TMEM40: variants seen among roughly 807,000 people sequenced by gnomAD.
TMEM40 encodes transmembrane protein 40.
In TMEM40, 34 loss-of-function variants were observed where a neutral mutation model predicts 40.8. That is an observed-to-expected ratio of 0.83 (90% CI 0.63 to 1.11). The LOEUF (loss-of-function observed/expected upper bound fraction) is 1.11. TMEM40 is among the 50% of genes least tolerant of loss of function. TMEM40 has a pLI of 0.00. For synonymous variants in TMEM40, 106 were observed against 107.0 expected (o/e 0.99, Z 0.06); for missense variants, 296 against 280.2 (o/e 1.06, Z -0.40).
At chr3:12,756,858 ACT>A (rs942153306) in intron 1 of TMEM40, among the ~76,000 whole-genome samples, 10 of 150,896 alleles carry the variant, frequency 6.6e-5, no homozygotes, top group African/African-American at 1.5e-4. Flanking sequence ...ACATATACAC[ACT>A]CTCTCTCTCA....
In TMEM40 at chr3:12,748,833, C is replaced by G. The variant is rs185940373; in HGVS notation, c.74-41G>C. 9,544 of 1,587,752 alleles carry G rather than the reference C, an allele frequency of 6.0e-3. 33 individuals carry two copies. Among genetic ancestry groups the G allele is most frequent in the Non-Finnish European group, 7.5e-3 (8,662 of 1,159,598 alleles). ...AGGCCAGGGGATGAGCGTTTCCCAC[C>G]CTTCCCACCCCAGGGACCACCCAGT... On this transcript the variant is annotated intron_variant, in intron 2 of 11. Transcript: ENST00000314124.
intron 1 of TMEM40, among the ~76,000 whole-genome samples, chr3:12,766,020 G>A (rs2061592483): frequency 6.6e-6 from 1 of 151,894 alleles, no homozygotes; most frequent in Admixed American, 6.6e-5. Context: ...CCTGCGCCCG[G>A]CTAATTTTTT....
intron 1 of TMEM40, among the ~76,000 whole-genome samples, chr3:12,768,748 G>A (rs562354235): frequency 2.6e-5 from 4 of 152,176 alleles, no homozygotes; most frequent in African/African-American, 4.8e-5. Flanking sequence ...ATCCCGCACC[G>A]GGGGCCGCAG....
At chr3:12,736,455 A>AT in intron 10 of TMEM40, 123 bp downstream of exon 10, 1 of 1,306,146 alleles carries the variant, frequency 7.7e-7, no homozygotes, top group Non-Finnish European at 1.1e-6. Context: ...TGGCCAGAAA[A>AT]TTTTTTTAAA....
At chr3:12,761,664 G>T (rs562457419), upstream of TMEM40, among the ~76,000 whole-genome samples, 1 of 151,962 alleles carries the variant, frequency 6.6e-6, no homozygotes, top group Non-Finnish European at 1.5e-5. Flanking sequence ...ATTGTGGACT[G>T]GTGGAGAAGC....
At chr3:12,739,592 T>A (rs1017026734) in intron 5 of TMEM40, among the ~76,000 whole-genome samples, 1 of 138,380 alleles carries the variant, frequency 7.2e-6, no homozygotes, top group African/African-American at 3.1e-5. Context: ...CTGCCAGTGA[T>A]TTTTTTTTAA....
chr3:12,744,279 T>C (rs2061409121), intron 3 of TMEM40, among the ~76,000 whole-genome samples: 1 of 152,186 alleles, frequency 6.6e-6, no homozygotes, highest in African/African-American at 2.4e-5. Context: ...TGAGGCATCA[T>C]AGTACTGAGA....
chr3:12,765,496 G>A (rs563974742), intron 1 of TMEM40, among the ~76,000 whole-genome samples: 5 of 151,710 alleles, frequency 3.3e-5, no homozygotes, highest in South Asian at 2.1e-4. Flanking sequence ...CTGGAGATCC[G>A]TTTGAAGAGA....
At chr3:12,755,233 C>CTCTCTGTCTT (rs1553634013) in intron 1 of TMEM40, among the ~76,000 whole-genome samples, 1 of 59,886 alleles carries the variant, frequency 1.7e-5, no homozygotes, top group African/African-American at 7.2e-5. Context: ...CTCTCTCTCT[C>CTCTCTGTCTT]TCTTTCTTTC....
intron 1 of TMEM40, among the ~76,000 whole-genome samples, chr3:12,767,045 C>T (rs1057375312): frequency 2.6e-5 from 4 of 151,978 alleles, no homozygotes; most frequent in African/African-American, 9.7e-5. Flanking sequence ...CCAAAAAGGA[C>T]CCTATGTCCA....
intron 5 of TMEM40, among the ~76,000 whole-genome samples, chr3:12,741,963 G>A (rs964144762): frequency 3.1e-4 from 47 of 152,232 alleles, no homozygotes; most frequent in Non-Finnish European, 5.6e-4. Flanking sequence ...CGGGCGCGGT[G>A]GCTCACGCCT....
At position 12,748,713 on chromosome 3, in the gene TMEM40, A is replaced by G; in HGVS notation, c.153T>C (p.Ser51=). ...ATGAGGAGGAAGAGGAGGAGGAGGA[A>G]GAAGACTTGTTTCTCTCATATTGTT... is the stretch of plus-strand genomic sequence containing the variant. ...SQEQYERNKS[S]SSSSSSSSSS... Residue 51 remains serine (S), a synonymous_variant, in exon 3 of 12, where the codon TCT becomes TCC. Coordinates refer to ENST00000314124, the MANE Select transcript of TMEM40 (RefSeq NM_018306.4). 1 of 1,614,052 alleles carries G rather than the reference A, an allele frequency of 6.2e-7. No individual in the cohort carries two copies. The highest frequency in any genetic ancestry group is 8.5e-7 in the Non-Finnish European group (1 of 1,179,958).
chr3:12,751,013 G>A (rs548239852), intron 1 of TMEM40, among the ~76,000 whole-genome samples: 16 of 152,170 alleles, frequency 1.1e-4, no homozygotes, highest in African/African-American at 3.9e-4. Flanking sequence ...AGATTGCCTG[G>A]GTTGGAATCC....
Position 12,738,537 on chromosome 3 carries a change from C to A in TMEM40, c.391+16G>T. ...TACCAGCACCAACGACCTCTCTCCT[C>A]TAACTGGACACTCACCTGATTCCCC... On this transcript the variant is annotated intron_variant, in intron 6 of 11. Transcript: ENST00000314124. 6.2e-7 allele frequency: 1 copy of A among 1,614,034 alleles called. No individual in the cohort carries two copies. The highest frequency in any genetic ancestry group is 8.5e-7 in the Non-Finnish European group (1 of 1,179,964).
At chr3:12,739,831 T>G (rs1007473544) in intron 5 of TMEM40, among the ~76,000 whole-genome samples, 1 of 151,520 alleles carries the variant, frequency 6.6e-6, no homozygotes, top group Non-Finnish European at 1.5e-5. Flanking sequence ...TTTTTAAAAT[T>G]TATTTATTTA....
At chr3:12,755,233 C>CTTTCTT (rs56969040) in intron 1 of TMEM40, among the ~76,000 whole-genome samples, 754 of 59,944 alleles carry the variant, frequency 0.013, 9 homozygotes, top group South Asian at 0.019. Context: ...CTCTCTCTCT[C>CTTTCTT]TCTTTCTTTC....
intron 1 of TMEM40, 37 bp downstream of exon 1, chr3:12,759,154 T>G (rs189590930): frequency 6.6e-6 from 1 of 152,652 alleles, no homozygotes; most frequent in Admixed American, 6.5e-5. Flanking sequence ...AAGCTGACAC[T>G]CCACCCCACT....
intron 5 of TMEM40, chr3:12,738,813 T>C (rs1575731110): frequency 5.8e-6 from 3 of 516,376 alleles, no homozygotes; most frequent in African/African-American, 5.7e-5. Context: ...CTTACAGGTC[T>C]GTCAATTTCC....
In TMEM40 at chr3:12,748,705, G is replaced by A. The variant is rs773305871; in HGVS notation, c.161C>T (p.Ser54Phe). 1.9e-6 allele frequency: 3 copies of A among 1,613,986 alleles called. No homozygotes were observed. Among genetic ancestry groups the A allele is most frequent in the African/African-American group, 1.3e-5 (1 of 75,038 alleles). Residue 54 changes from serine (S) to phenylalanine (F), a missense_variant, in exon 3 of 12, where the codon TCC (serine) becomes TTC (phenylalanine). Physicochemically the swap from Ser to Phe is radical, Grantham distance 155. Coordinates refer to ENST00000314124, the MANE Select transcript of TMEM40 (RefSeq NM_018306.4). ...TGAGGAGGATGAGGAGGAAGAGGAGGAGGAGGAAGAAGACTTGTTTCTCTC... is the reference window on the plus strand; with the variant it reads ...TGAGGAGGATGAGGAGGAAGAGGAGAAGGAGGAAGAAGACTTGTTTCTCTC... ...QYERNKSSSS[S>F]SSSSSSSSSS... is the part of the protein sequence containing the mutation.
Sources: allele counts gnomAD v4.1 joint callset (sites outside exome capture counted in the v4.1 genomes callset), GRCh38; gene constraint gnomAD v4.1.1; transcripts MANE v1.5; gene names NCBI Gene and HGNC (gene_info 2026-07-23, HGNC 2026-07-21).